SERAC1: variants seen among roughly 807,000 people sequenced by gnomAD.
SERAC1 encodes protein SERAC1.
SERAC1 carries 36 observed loss-of-function variants against 85.7 expected under a neutral mutation model. The ratio of observed to expected loss-of-function variants is 0.42; its 90% CI spans 0.32 to 0.55. SERAC1 has a LOEUF of 0.55. Ranked by LOEUF, SERAC1 falls within the 20% of genes least tolerant of loss-of-function variation. The pLI is 0.11. For missense variants in SERAC1, 629 were observed against 796.2 expected (o/e 0.79, Z 2.53); for synonymous variants, 242 against 265.3 (o/e 0.91, Z 0.85).
At chr6:158,116,043 C>T (rs1405276360) in intron 14 of SERAC1, 142 bp downstream of exon 14, 8 of 652,324 alleles carry the variant, frequency 1.2e-5, no homozygotes, top group Non-Finnish European at 2.1e-5. Flanking sequence ...AAGTCCTAGC[C>T]ATAGCTACAC....
chr6:158,148,314 TA>T (rs902769930), intron 5 of SERAC1, among the ~76,000 whole-genome samples: 2 of 152,214 alleles, frequency 1.3e-5, no homozygotes, highest in African/African-American at 2.4e-5. Flanking sequence ...TTTAAAATTA[TA>T]AAACACTTAT....
intron 8 of SERAC1, among the ~76,000 whole-genome samples, chr6:158,139,272 G>A (rs1784863839): frequency 6.6e-6 from 1 of 152,114 alleles, no homozygotes; most frequent in East Asian, 1.9e-4. Flanking sequence ...AGAACCCACA[G>A]AATGGGAGAA....
Position 158,119,149 on chromosome 6 carries a change from G to A in SERAC1, c.1188C>T (p.Val396=). 6 of 1,612,300 alleles carry A rather than the reference G, an allele frequency of 3.7e-6. No homozygotes were observed. Among genetic ancestry groups the A allele is most frequent in the Non-Finnish European group, 5.1e-6 (6 of 1,179,080 alleles). Residue 396 remains valine, a synonymous_variant, in exon 12 of 17, where the codon GTC becomes GTT. Coordinates refer to ENST00000647468, the MANE Select transcript of SERAC1 (RefSeq NM_032861.4). This position sits in a 1 kb window ranked among gnomAD's most constrained non-coding sequence, Gnocchi z 4.5. Reference sequence around the variant, plus strand: ...CTCCCATAAGGCCATGAATAAAAAGGACATCTGCTTTAATGGGCTGACTAA... The same window carrying A: ...CTCCCATAAGGCCATGAATAAAAAGAACATCTGCTTTAATGGGCTGACTAA... ...YRTSQPIKAD[V]LFIHGLMGAA...
chr6:158,167,909 G>A (rs1314694834), intron 1 of SERAC1, among the ~76,000 whole-genome samples: 2 of 151,982 alleles, frequency 1.3e-5, no homozygotes, highest in Admixed American at 6.5e-5. Context: ...CCAAGGCCTC[G>A]ACAGCAGCCA....
Position 158,123,983 on chromosome 6 carries a change from G to C in SERAC1, c.1016-3408C>G, listed in dbSNP as rs977960137. Among the ~76,000 whole-genome samples the C allele has an allele frequency of 1.1e-4, 17 of 152,246 alleles. 1 individual carries two copies. In the East Asian group the frequency reaches 3.3e-3, roughly 29 times the overall value. ...TGAAGTGGTTTCAGGCAGTGATTAGGTTCAATGTATGACTTAGGAGTAGAG... is the reference window on the plus strand; with the variant it reads ...TGAAGTGGTTTCAGGCAGTGATTAGCTTCAATGTATGACTTAGGAGTAGAG... On this transcript the variant is annotated intron_variant, in intron 10 of 16. Transcript: ENST00000647468.
intron 2 of SERAC1, 126 bp from the exon 3 acceptor site, chr6:158,155,477 T>C (rs1431077737): frequency 5.1e-6 from 3 of 584,784 alleles, no homozygotes; most frequent in Non-Finnish European, 9.0e-6. Flanking sequence ...TTTCTATTAA[T>C]ATAATCAGTT....
At chr6:158,153,557 A>G (rs1206875938) in intron 3 of SERAC1, among the ~76,000 whole-genome samples, 1 of 152,108 alleles carries the variant, frequency 6.6e-6, no homozygotes. Flanking sequence ...AGATTAGCCA[A>G]TGTGTACTCC....
Position 158,119,841 on chromosome 6 carries a change from T to C in SERAC1, c.1166+584A>G, listed in dbSNP as rs1349582601. ...AAAGTGCCCTAAGAAAACCAAGAAA[T>C]ATGTTATTTTTTCAGTGTGGTCCCT... is the stretch of plus-strand genomic sequence containing the variant. On this transcript the variant is annotated intron_variant, in intron 11 of 16. Coordinates refer to ENST00000647468, the MANE Select transcript of SERAC1 (RefSeq NM_032861.4). This position sits in a 1 kb window ranked among gnomAD's most constrained non-coding sequence, Gnocchi z 4.5. Among the ~76,000 whole-genome samples, 3 of 152,204 alleles carry C rather than the reference T, an allele frequency of 2.0e-5. No individual in the cohort carries two copies. Among genetic ancestry groups the C allele is most frequent in the Non-Finnish European group, 4.4e-5 (3 of 68,026 alleles).
At chr6:158,111,597 G>T in intron 16 of SERAC1, 95 bp from the exon 17 acceptor site, 1 of 963,880 alleles carries the variant, frequency 1.0e-6, no homozygotes. Context: ...TCTAGACATT[G>T]CTTTGGTTGT....
intron 10 of SERAC1, among the ~76,000 whole-genome samples, chr6:158,123,460 A>C (rs1406557395): frequency 1.3e-5 from 2 of 152,242 alleles, no homozygotes; most frequent in Non-Finnish European, 2.9e-5. Flanking sequence ...CAATTGTCTC[A>C]GTAAAGTAGG....
intron 14 of SERAC1, among the ~76,000 whole-genome samples, 199 bp from the exon 15 acceptor site, chr6:158,115,170 G>A (rs1784255388): frequency 6.6e-6 from 1 of 152,156 alleles, no homozygotes; most frequent in South Asian, 2.1e-4. Context: ...TCCTTATAGT[G>A]CAAGCCTACA....
Position 158,113,599 on chromosome 6 carries a change from A to C in SERAC1, c.1685-7T>G. ...GTTTTAAGTGCAGGAGAATCTGTAA[A>C]ATTATACAGAACAAGACTGTGACAA... On this transcript the variant is annotated splice_polypyrimidine_tract_variant and splice_region_variant and intron_variant, in intron 15 of 16. Transcript: ENST00000647468. The C allele has an allele frequency of 6.2e-7, 1 of 1,611,730 alleles. No individual in the cohort carries two copies. Among genetic ancestry groups the C allele is most frequent in the Non-Finnish European group, 8.5e-7 (1 of 1,178,268 alleles).
chr6:158,161,197 C>T (rs1392294031), intron 1 of SERAC1: 1 of 152,052 alleles, frequency 6.6e-6, no homozygotes, highest in Admixed American at 6.6e-5. Flanking sequence ...GAGTTCAAGA[C>T]CAGTGAGACT....
intron 9 of SERAC1, 112 bp from the exon 10 acceptor site, chr6:158,128,382 G>T: frequency 1.1e-6 from 1 of 911,768 alleles, no homozygotes. Context: ...GGGCAGGGAT[G>T]CAGGGAGACT....
intron 10 of SERAC1, among the ~76,000 whole-genome samples, chr6:158,123,648 A>G (rs982684359): frequency 6.6e-6 from 1 of 152,226 alleles, no homozygotes; most frequent in African/African-American, 2.4e-5. Context: ...CCAATCTGCA[A>G]TGATTCCACG....
intron 6 of SERAC1, among the ~76,000 whole-genome samples, chr6:158,144,624 T>C (rs963332853): frequency 6.6e-6 from 1 of 152,136 alleles, no homozygotes; most frequent in African/African-American, 2.4e-5. Context: ...CTCCTCAACA[T>C]ATATATGGAG....
intron 8 of SERAC1, among the ~76,000 whole-genome samples, chr6:158,133,374 GTTAATT>G (rs1422262529): frequency 2.2e-5 from 3 of 138,490 alleles, no homozygotes; most frequent in Non-Finnish European, 4.6e-5. Flanking sequence ...AATCTCTGGT[GTTAATT>G]TTTTTTTTTT....
At chr6:158,113,907 C>T (rs919481808) in intron 15 of SERAC1, among the ~76,000 whole-genome samples, 1 of 152,124 alleles carries the variant, frequency 6.6e-6, no homozygotes, top group African/African-American at 2.4e-5. Flanking sequence ...ACACCCACCC[C>T]AAAGCCCAGC....
intron 1 of SERAC1, among the ~76,000 whole-genome samples, chr6:158,164,476 A>G (rs1785553845): frequency 6.6e-6 from 1 of 152,142 alleles, no homozygotes; most frequent in African/African-American, 2.4e-5. Context: ...CTCCATCTCA[A>G]AAAAATATAT....
Sources: gnomAD v4.1 joint callset for allele counts (sites outside exome capture counted in the v4.1 genomes callset) on GRCh38, gnomAD v4.1.1 for gene constraint, Gnocchi (gnomAD v3.1) non-coding constraint, MANE v1.5 for transcripts, NCBI Gene and HGNC (gene_info 2026-07-23, HGNC 2026-07-21) for gene names.